IL1RAPL2: variants seen among roughly 807,000 people sequenced by gnomAD.
IL1RAPL2 encodes the protein interleukin 1 receptor accessory protein like 2.
A neutral mutation model predicts 44.1 loss-of-function variants in IL1RAPL2; 3 were observed. The observed-to-expected ratio is 0.07, with a 90% CI of 0.03 to 0.18. IL1RAPL2 has a LOEUF of 0.18. IL1RAPL2 is among the 10% of genes least tolerant of loss of function. The probability of loss-of-function intolerance (pLI) is 1.00; values close to 1 mark genes in which losing one functional copy is unlikely to be tolerated. For synonymous variants in IL1RAPL2, 181 were observed against 178.8 expected (o/e 1.01, Z -0.10); for missense variants, 391 against 496.4 (o/e 0.79, Z 2.02).
At chrX:104,578,040 T>C (rs984566862) in intron 1 of IL1RAPL2, among the ~76,000 whole-genome samples, 10 of 111,972 alleles carry the variant, frequency 8.9e-5, no homozygotes, top group African/African-American at 3.2e-4. Context: ...AATGATTATA[T>C]ATCTTACACA....
chrX:105,017,824 A>C (rs1213907164), intron 2 of IL1RAPL2, among the ~76,000 whole-genome samples: 17 of 110,671 alleles, frequency 1.5e-4, no homozygotes, highest in Non-Finnish European at 1.9e-5. Flanking sequence ...CAAAGGTAAG[A>C]GGAAGACTGT....
chrX:105,111,086 A>G (rs1328388668), intron 2 of IL1RAPL2, among the ~76,000 whole-genome samples: 2 of 112,155 alleles, frequency 1.8e-5, no homozygotes, highest in Admixed American at 1.9e-4. Flanking sequence ...GTTGATAAAC[A>G]TGGATAATAT....
intron 6 of IL1RAPL2, among the ~76,000 whole-genome samples, chrX:105,658,914 G>A (rs1450837292): frequency 5.9e-5 from 6 of 101,386 alleles, no homozygotes; most frequent in African/African-American, 1.5e-4. Flanking sequence ...GTGAGCCAAG[G>A]TCACGCCATT....
At chrX:105,398,229 T>G (rs1401858761) in intron 5 of IL1RAPL2, among the ~76,000 whole-genome samples, 9 of 111,235 alleles carry the variant, frequency 8.1e-5, no homozygotes. Flanking sequence ...CCTGCTCAGT[T>G]CTTCCAGTAG....
At chrX:105,255,626 C>T (rs1046527966) in intron 4 of IL1RAPL2, among the ~76,000 whole-genome samples, 9 of 111,690 alleles carry the variant, frequency 8.1e-5, no homozygotes, top group African/African-American at 2.9e-4. Context: ...TCTTCTCTTC[C>T]TATTTGGATG....
chrX:105,602,025 A>G (rs898742859), intron 6 of IL1RAPL2, among the ~76,000 whole-genome samples: 1 of 110,926 alleles, frequency 9.0e-6, no homozygotes, highest in Non-Finnish European at 1.9e-5. Flanking sequence ...TGCTTCCATC[A>G]CCACTCCCCC....
intron 6 of IL1RAPL2, among the ~76,000 whole-genome samples, chrX:105,608,835 G>A (rs1472624858): frequency 1.8e-5 from 2 of 111,851 alleles, no homozygotes; most frequent in East Asian, 5.6e-4. Flanking sequence ...CATATAGTGT[G>A]GACTGTACCA....
chrX:105,411,631 T>C (rs1192369539), intron 5 of IL1RAPL2, among the ~76,000 whole-genome samples: 1 of 111,530 alleles, frequency 9.0e-6, no homozygotes, highest in Non-Finnish European at 1.9e-5. Context: ...ATTGTAAATA[T>C]ATATGCACCC....
At chrX:105,260,034 G>A (rs2147651899) in intron 4 of IL1RAPL2, among the ~76,000 whole-genome samples, 1 of 112,509 alleles carries the variant, frequency 8.9e-6, no homozygotes, top group East Asian at 2.8e-4. Context: ...TCATCCCCGG[G>A]AGATATGGAC....
chrX:105,729,923 G>GGAA lies in IL1RAPL2; in HGVS notation c.903-10622_903-10621insAAG, dbSNP rs1569469761. On this transcript the variant is annotated intron_variant, in intron 7 of 10. Transcript: ENST00000372582. ...AAGGAAGGAAGGAAGGAAGGAAGGAGGGAGGGAGGGAGGGAAGGAAGGAAG... is the reference window on the plus strand; with the variant it reads ...AAGGAAGGAAGGAAGGAAGGAAGGAGGAAGGAGGGAGGGAGGGAAGGAAGGAAG... 1.9e-3 allele frequency among the ~76,000 whole-genome samples: 63 copies of GGAA among 33,795 alleles called. 2 individuals carry two copies. Among genetic ancestry groups the GGAA allele is most frequent in the South Asian group, 4.9e-3 (3 of 615 alleles). 29.3% of individuals were successfully genotyped at this position (33,795 alleles called of 115,157 possible). A position where few individuals can be genotyped will look rare whatever the true frequency, so the allele number is the denominator to read the frequency against.
rs753304131 is a variant in IL1RAPL2 at position 105,083,509 on chromosome X, A to G, written c.83-111966A>G. On this transcript the variant is annotated intron_variant, in intron 2 of 10. Coordinates refer to ENST00000372582, the MANE Select transcript of IL1RAPL2 (RefSeq NM_017416.2). ...GTCAAGTAGAGCGACCCCAAGACAC[A>G]TAATTATCAGATTCCCCAAGGTTGA... Among the ~76,000 whole-genome samples, 13 of 111,309 alleles carry G rather than the reference A, an allele frequency of 1.2e-4. No individual in the cohort carries two copies. In the East Asian group the frequency reaches 3.7e-3, roughly 32 times the overall value.
chrX:105,029,032 C>A (rs980523874), intron 2 of IL1RAPL2, among the ~76,000 whole-genome samples: 45 of 108,890 alleles, frequency 4.1e-4, no homozygotes, highest in Non-Finnish European at 7.8e-4. Context: ...TTTGCAGTAC[C>A]TTTGTATTTT....
intron 1 of IL1RAPL2, among the ~76,000 whole-genome samples, chrX:104,579,357 G>A (rs1459127940): frequency 4.5e-5 from 5 of 111,720 alleles, no homozygotes; most frequent in Non-Finnish European, 7.5e-5. Flanking sequence ...ATGCCCATCC[G>A]TGGAAGATTG....
At chrX:104,817,375 G>A (rs965381362) in intron 2 of IL1RAPL2, among the ~76,000 whole-genome samples, 1 of 112,166 alleles carries the variant, frequency 8.9e-6, no homozygotes, top group Non-Finnish European at 1.9e-5. Context: ...GACCTGCCTT[G>A]AAGAAGGGTG....
intron 2 of IL1RAPL2, among the ~76,000 whole-genome samples, chrX:104,676,152 C>G (rs1455045075): frequency 9.1e-6 from 1 of 110,270 alleles, no homozygotes; most frequent in Non-Finnish European, 1.9e-5. Context: ...ATGATGTTAG[C>G]TGGTTATTTT....
chrX:104,952,456 T>A (rs911808224), intron 2 of IL1RAPL2, among the ~76,000 whole-genome samples: 2 of 111,958 alleles, frequency 1.8e-5, no homozygotes, highest in Admixed American at 9.5e-5. Flanking sequence ...AAATGTGTAA[T>A]GAATCACAAG....
At chrX:105,243,052 T>C (rs1363936246) in intron 4 of IL1RAPL2, among the ~76,000 whole-genome samples, 7 of 110,425 alleles carry the variant, frequency 6.3e-5, no homozygotes, top group Non-Finnish European at 1.3e-4. Flanking sequence ...TGAGCTGAGA[T>C]TGTGCCACTG....
At chrX:104,626,297 T>A (rs1032312418) in intron 1 of IL1RAPL2, among the ~76,000 whole-genome samples, 3 of 73,354 alleles carry the variant, frequency 4.1e-5, no homozygotes, top group African/African-American at 2.5e-4. Flanking sequence ...GACTGTCTCA[T>A]GCGTGTGTGT....
intron 2 of IL1RAPL2, among the ~76,000 whole-genome samples, chrX:104,904,961 C>A (rs1472427199): frequency 9.0e-6 from 1 of 111,082 alleles, no homozygotes; most frequent in Non-Finnish European, 1.9e-5. Flanking sequence ...CTCTCCAACA[C>A]CTGTTGTTTC....
Sources: allele counts gnomAD v4.1 joint callset (sites outside exome capture counted in the v4.1 genomes callset), GRCh38; gene constraint gnomAD v4.1.1; transcripts MANE v1.5; gene names NCBI Gene and HGNC (gene_info 2026-07-23, HGNC 2026-07-21).